RORA: variants seen among roughly 807,000 people sequenced by gnomAD.
RORA encodes RAR related orphan receptor A, also known as nuclear receptor ROR-alpha.
A neutral mutation model predicts 69.5 loss-of-function variants in RORA; 7 were observed. That is an observed-to-expected ratio of 0.10 (90% confidence interval 0.06 to 0.19). The LOEUF (loss-of-function observed/expected upper bound fraction) is 0.19. Among genes scored for constraint, RORA ranks in the 10% least tolerant of loss-of-function variants. RORA has a pLI of 1.00. For missense variants in RORA, 457 were observed against 663.0 expected (o/e 0.69, Z 3.41); for synonymous variants, 261 against 240.8 (o/e 1.08, Z -0.78).
chr15:61,188,437 T>C (rs1596058717), intron 1 of RORA, among the ~76,000 whole-genome samples: 1 of 152,156 alleles, frequency 6.6e-6, no homozygotes, highest in African/African-American at 2.4e-5. Flanking sequence ...CAGTGCCCAA[T>C]CTAAGAACCC....
At chr15:60,504,098 G>A (rs1416732712) in intron 6 of RORA, among the ~76,000 whole-genome samples, 1 of 152,080 alleles carries the variant, frequency 6.6e-6, no homozygotes, top group East Asian at 1.9e-4. Context: ...ACCGTGCCCG[G>A]TCTGGATCTT....
chr15:60,715,870 A>G (rs2071212389), intron 1 of RORA, among the ~76,000 whole-genome samples: 1 of 152,178 alleles, frequency 6.6e-6, no homozygotes, highest in East Asian at 1.9e-4. Context: ...TAAAATTCAC[A>G]GTTGGGAGAA....
intron 2 of RORA, among the ~76,000 whole-genome samples, chr15:60,602,942 C>G (rs1165609533): frequency 6.6e-6 from 1 of 152,182 alleles, no homozygotes; most frequent in Non-Finnish European, 1.5e-5. Context: ...ATAGCCAACC[C>G]TCCACCCCAA....
At chr15:61,175,477 T>C (rs145687830) in intron 1 of RORA, among the ~76,000 whole-genome samples, 22 of 145,496 alleles carry the variant, frequency 1.5e-4, no homozygotes, top group East Asian at 8.1e-4. Context: ...GTGGCTGAGG[T>C]AGAAGAAATG....
intron 1 of RORA, among the ~76,000 whole-genome samples, chr15:60,702,423 G>A (rs2070997373): frequency 6.6e-6 from 1 of 151,882 alleles, no homozygotes; most frequent in South Asian, 2.1e-4. Context: ...GTAGAGATGG[G>A]GTTTTGCCGT....
chr15:60,710,837 C>G (rs572349927), intron 1 of RORA, among the ~76,000 whole-genome samples: 1 of 151,996 alleles, frequency 6.6e-6, no homozygotes, highest in South Asian at 2.1e-4. Context: ...GAGGGCCCCG[C>G]ATGAAGAATC....
At chr15:61,196,532 T>C (rs561921999) in intron 1 of RORA, among the ~76,000 whole-genome samples, 18 of 152,242 alleles carry the variant, frequency 1.2e-4, no homozygotes, top group Non-Finnish European at 2.1e-4. Flanking sequence ...CAAGCAGCAC[T>C]TGCGTGATTC....
chr15:61,077,024 G>T (rs1290833826), intron 1 of RORA, among the ~76,000 whole-genome samples: 2 of 152,234 alleles, frequency 1.3e-5, no homozygotes, highest in South Asian at 2.1e-4. Context: ...AGAAGCAAGG[G>T]AAACACTAAA....
At chr15:60,978,151 CATCAAG>C (rs1232372159) in intron 1 of RORA, among the ~76,000 whole-genome samples, 3 of 151,978 alleles carry the variant, frequency 2.0e-5, no homozygotes, top group Non-Finnish European at 2.9e-5. Flanking sequence ...TCATCATCAT[CATCAAG>C]ATCATCAACA....
At chr15:60,763,761 C>G (rs1244437150) in intron 1 of RORA, 1 of 152,348 alleles carries the variant, frequency 6.6e-6, no homozygotes, top group Non-Finnish European at 1.5e-5. Context: ...GCTGGACCTA[C>G]CCTTCTGATT....
chr15:60,578,422 T>A (rs180966992), intron 2 of RORA, among the ~76,000 whole-genome samples: 1 of 152,238 alleles, frequency 6.6e-6, no homozygotes, highest in African/African-American at 2.4e-5. Context: ...TTTGCCTGAA[T>A]GTATGGGCAG....
At chr15:60,521,042 C>T (rs1381932329) in intron 3 of RORA, among the ~76,000 whole-genome samples, 1 of 152,080 alleles carries the variant, frequency 6.6e-6, no homozygotes, top group Non-Finnish European at 1.5e-5. Context: ...TGCTGAAAGA[C>T]TTTGAGAGAT....
At chr15:60,594,848 G>C (rs1314797047) in intron 2 of RORA, among the ~76,000 whole-genome samples, 1 of 152,218 alleles carries the variant, frequency 6.6e-6, no homozygotes, top group Non-Finnish European at 1.5e-5. Context: ...CTTTGGAGAT[G>C]TACTTCATTC....
intron 1 of RORA, among the ~76,000 whole-genome samples, chr15:60,843,352 G>C (rs879296178): frequency 6.6e-6 from 1 of 152,170 alleles, no homozygotes; most frequent in South Asian, 2.1e-4. Flanking sequence ...ATAAAGTCCA[G>C]GTACCTCATT....
At chr15:61,206,579 A>T (rs1376026338) in intron 1 of RORA, among the ~76,000 whole-genome samples, 1 of 152,144 alleles carries the variant, frequency 6.6e-6, no homozygotes, top group Non-Finnish European at 1.5e-5. Context: ...GATGCTGACC[A>T]TCCCGCCCTT....
chr15:60,954,275 C>T (rs1893198951), intron 1 of RORA, among the ~76,000 whole-genome samples: 1 of 128,134 alleles, frequency 7.8e-6, no homozygotes, highest in Non-Finnish European at 1.6e-5. Flanking sequence ...GGGAATATCA[C>T]ACTCTGGGGA....
intron 1 of RORA, among the ~76,000 whole-genome samples, chr15:61,207,866 C>G (rs572462944): frequency 5.3e-5 from 8 of 152,220 alleles, no homozygotes; most frequent in African/African-American, 1.7e-4. Flanking sequence ...AGTTCCCTAA[C>G]GCAGAAACCT....
chr15:61,163,357 C>T (rs562402121), intron 1 of RORA, among the ~76,000 whole-genome samples: 21 of 152,246 alleles, frequency 1.4e-4, no homozygotes, highest in Non-Finnish European at 2.1e-4. Flanking sequence ...CATGATGAGA[C>T]GGGGCACCTA....
rs959240668 is a variant in RORA at position 60,521,468 on chromosome 15, T to C, written c.283-6711A>G. Among the ~76,000 whole-genome samples, 3 of 152,116 alleles carry C rather than the reference T, an allele frequency of 2.0e-5. No individual in the cohort carries two copies. In the South Asian group the frequency reaches 6.2e-4, roughly 32 times the overall value. ...TGTTGGCTAGCATGGTCTAGATCTC[T>C]TGACCCCGTGATTCGCCTGCCTCGG... On this transcript the variant is annotated intron_variant, in intron 3 of 10. Coordinates refer to ENST00000335670, the MANE Select transcript of RORA (RefSeq NM_134261.3).
Sources: gnomAD v4.1 joint callset for allele counts (sites outside exome capture counted in the v4.1 genomes callset) on GRCh38, gnomAD v4.1.1 for gene constraint, MANE v1.5 for transcripts, NCBI Gene and HGNC (gene_info 2026-07-23, HGNC 2026-07-21) for gene names.